AKR1B1: variants seen among roughly 807,000 people sequenced by gnomAD.
The protein encoded by AKR1B1 is aldo-keto reductase family 1 member B1.
In AKR1B1, 22 loss-of-function variants were observed where a neutral mutation model predicts 40.4. The observed-to-expected ratio is 0.54, with a 90% CI of 0.39 to 0.78. The LOEUF is 0.78. Ranked by LOEUF, AKR1B1 falls within the 30% of genes least tolerant of loss-of-function variation. The pLI is 0.00. For synonymous variants in AKR1B1, 157 were observed against 149.9 expected (o/e 1.05, Z -0.35); for missense variants, 357 against 396.7 (o/e 0.90, Z 0.85).
intron 5 of AKR1B1, 96 bp from the exon 6 acceptor site, chr7:134,448,589 A>C (rs1291315474): frequency 5.4e-6 from 5 of 927,996 alleles, no homozygotes; most frequent in Non-Finnish European, 1.8e-6. Flanking sequence ...TCCCTACCCC[A>C]TACAGAAAAC....
rs552089169 is a variant in AKR1B1, at chr7:134,447,473, G to T, written c.742-92C>A. 10 of 1,107,372 alleles carry T rather than the reference G, an allele frequency of 9.0e-6. No homozygotes were observed. The African/African-American group carries it at 1.5e-4, about 17-fold the overall frequency. The allele number at this position is 1,107,372 out of a possible 1,614,324, so 68.6% of individuals were successfully genotyped here. ...TCACACACACAACCTGCAGAAGGAC[G>T]TGCTAGAACTCCACAGGTGATCAGA... On this transcript the variant is annotated intron_variant, in intron 7 of 9. Transcript: ENST00000285930.
intron 9 of AKR1B1, among the ~76,000 whole-genome samples, chr7:134,443,533 C>A (rs770317398): frequency 1.3e-5 from 2 of 152,012 alleles, no homozygotes; most frequent in Non-Finnish European, 2.9e-5. Context: ...TGAAGTGAGC[C>A]CAATCAACGG....
In AKR1B1 at chr7:134,457,910, G is replaced by A. The variant is rs558004564; in HGVS notation, c.66+1087C>T. The stretch of plus-strand genomic sequence containing the variant: ...AGCTACCCGCAGTGCTGAGGCAGGA[G>A]GATCACTTGAGCCCAGGAGTTCCAG... On this transcript the variant is annotated intron_variant, in intron 1 of 9. Transcript: ENST00000285930. 2.8e-4 allele frequency among the ~76,000 whole-genome samples: 43 copies of A among 152,242 alleles called. No individual in the cohort carries two copies. The South Asian group carries it at 5.6e-3, about 20-fold the overall frequency.
intron 9 of AKR1B1, among the ~76,000 whole-genome samples, chr7:134,444,015 ATGAGAAAACCACTG>A (rs1448525293): frequency 6.6e-6 from 1 of 152,172 alleles, no homozygotes; most frequent in Admixed American, 6.5e-5. Flanking sequence ...AAAGGGAGCA[ATGAGAAAACCACTG>A]TGTTTCCTCA....
chr7:134,449,208 C>T, intron 4 of AKR1B1, 89 bp from the exon 5 acceptor site: 1 of 1,559,074 alleles, frequency 6.4e-7, no homozygotes. Context: ...ACGGGTCCTG[C>T]CCTCACTCTT....
intron 8 of AKR1B1, among the ~76,000 whole-genome samples, chr7:134,445,815 G>A (rs1009470740): frequency 6.6e-6 from 1 of 152,238 alleles, no homozygotes; most frequent in Non-Finnish European, 1.5e-5. Context: ...ATTTGACATG[G>A]CCTAAGAAGT....
At chr7:134,458,899 G>A (rs1254089463) in intron 1 of AKR1B1, 98 bp downstream of exon 1, 2 of 1,383,504 alleles carry the variant, frequency 1.4e-6, no homozygotes, top group African/African-American at 1.4e-5. Flanking sequence ...GGGCGTCCGC[G>A]GGGCGAGCTG....
At chr7:134,449,258 G>T in intron 4 of AKR1B1, 139 bp from the exon 5 acceptor site, 1 of 1,285,320 alleles carries the variant, frequency 7.8e-7, no homozygotes, top group Non-Finnish European at 1.1e-6. Context: ...CTAAGAGACA[G>T]TGAGACGAAA....
At chr7:134,456,362 G>A (rs923966991) in intron 1 of AKR1B1, among the ~76,000 whole-genome samples, 1 of 151,934 alleles carries the variant, frequency 6.6e-6, no homozygotes, top group African/African-American at 2.4e-5. Context: ...ACGATGCCGG[G>A]CTAATTTTTT....
At chr7:134,456,240 C>T (rs1806467585) in intron 1 of AKR1B1, among the ~76,000 whole-genome samples, 1 of 152,096 alleles carries the variant, frequency 6.6e-6, no homozygotes, top group Non-Finnish European at 1.5e-5. Flanking sequence ...TGCTCCATCG[C>T]CCAGGCTGGA....
chr7:134,458,744 T>C (rs1021766512), intron 1 of AKR1B1, among the ~76,000 whole-genome samples: 1 of 152,062 alleles, frequency 6.6e-6, no homozygotes, highest in South Asian at 2.1e-4. Context: ...GGGCGGGGGC[T>C]CCCGTGAGCT....
At chr7:134,455,602 G>A (rs1436281949) in intron 1 of AKR1B1, among the ~76,000 whole-genome samples, 2 of 152,102 alleles carry the variant, frequency 1.3e-5, no homozygotes, top group East Asian at 3.9e-4. Context: ...TTCTGAGACC[G>A]AGTTTTTTTT....
chr7:134,444,438 G>A (rs1008053571), intron 9 of AKR1B1, among the ~76,000 whole-genome samples: 2 of 152,358 alleles, frequency 1.3e-5, no homozygotes, highest in East Asian at 1.9e-4. Flanking sequence ...TGGGACAGAC[G>A]CTGGAAAGGG....
chr7:134,449,259 T>A, intron 4 of AKR1B1, 140 bp from the exon 5 acceptor site: 1 of 1,273,546 alleles, frequency 7.9e-7, no homozygotes, highest in Non-Finnish European at 1.1e-6. Flanking sequence ...TAAGAGACAG[T>A]GAGACGAAAG....
chr7:134,444,796 T>G (rs1010835087), intron 9 of AKR1B1: 1 of 251,904 alleles, frequency 4.0e-6, no homozygotes, highest in African/African-American at 2.2e-5. Context: ...TGGAGCCATG[T>G]GGCTTACCAG....
At position 134,448,002 on chromosome 7, in the gene AKR1B1, T is replaced by C; in HGVS notation, c.719A>G (p.Lys240Arg). The change falls in exon 7 of 10, where the codon AAG (lysine) becomes AGG (arginine). Residue 240 changes from lysine to arginine, a missense_variant. By Grantham distance (26) the Lys-to-Arg change is conservative (BLOSUM62 2). Transcript: ENST00000285930. ...TACCTGGGCTGTAGTTTTATTGTGCTTGGCTGCGATCGCCTTGATCCTGGG... is the reference window on the plus strand; with the variant it reads ...TACCTGGGCTGTAGTTTTATTGTGCCTGGCTGCGATCGCCTTGATCCTGGG... The part of the protein sequence containing the change: ...EDPRIKAIAA[K>R]HNKTTAQVLI... The C allele has an allele frequency of 6.2e-7, 1 of 1,613,194 alleles. No individual in the cohort carries two copies. Among genetic ancestry groups the C allele is most frequent in the Non-Finnish European group, 8.5e-7 (1 of 1,179,788 alleles).
Position 134,450,430 on chromosome 7 carries a change from G to C in AKR1B1, c.351+356C>G, listed in dbSNP as rs191760150. On this transcript the variant is annotated intron_variant, in intron 3 of 9. Coordinates refer to ENST00000285930, the MANE Select transcript of AKR1B1 (RefSeq NM_001628.4). ...TGGGGGTTGGTGTGTGCACGTGCCT[G>C]GAGGGGAGGGCCAGGGCTGACCGTG... is the stretch of plus-strand genomic sequence containing the variant. Among the ~76,000 whole-genome samples, 4 of 152,316 alleles carry C rather than the reference G, an allele frequency of 2.6e-5. No homozygotes were observed. In the East Asian group the frequency reaches 7.7e-4, roughly 29 times the overall value.
chr7:134,458,051 A>C (rs1304015160), intron 1 of AKR1B1, among the ~76,000 whole-genome samples: 1 of 152,228 alleles, frequency 6.6e-6, no homozygotes, highest in African/African-American at 2.4e-5. Flanking sequence ...ATGGCTGTGG[A>C]ATATAATATG....
intron 2 of AKR1B1, chr7:134,451,361 A>G (rs1806281620): frequency 1.6e-6 from 1 of 627,206 alleles, no homozygotes; most frequent in African/African-American, 1.8e-5. Context: ...CAGCCTCATC[A>G]GCACGGGACT....
Sources: gnomAD v4.1 joint callset for allele counts (sites outside exome capture counted in the v4.1 genomes callset) on GRCh38, gnomAD v4.1.1 for gene constraint, MANE v1.5 for transcripts, NCBI Gene and HGNC (gene_info 2026-07-23, HGNC 2026-07-21) for gene names.